PRR20G: variants seen among roughly 807,000 people sequenced by gnomAD.
PRR20G encodes the protein proline rich 20G.
At chr3:127,285,166 G>A (rs936945430) in intron 2 of PRR20G, among the ~76,000 whole-genome samples, 11 of 152,138 alleles carry the variant, frequency 7.2e-5, no homozygotes, top group Non-Finnish European at 1.5e-4. Flanking sequence ...GCCAACCCCT[G>A]GGTCCTTACA....
At chr3:127,285,084 G>A (rs2080380905) in intron 2 of PRR20G, among the ~76,000 whole-genome samples, 2 of 152,144 alleles carry the variant, frequency 1.3e-5, no homozygotes, top group African/African-American at 4.8e-5. Context: ...CCAGAATGCT[G>A]GCGTTGTATT....
chr3:127,285,930 A>T (rs958489931), intron 2 of PRR20G, among the ~76,000 whole-genome samples: 2 of 152,218 alleles, frequency 1.3e-5, no homozygotes, highest in Non-Finnish European at 2.9e-5. Context: ...ATTATAGGGT[A>T]CTTTTGAAAA....
At chr3:127,285,193 A>G (rs529453636) in intron 2 of PRR20G, among the ~76,000 whole-genome samples, 4 of 152,222 alleles carry the variant, frequency 2.6e-5, no homozygotes, top group Non-Finnish European at 5.9e-5. Flanking sequence ...GAGTTACTAC[A>G]AGAAAAATGT....
Position 127,287,960 on chromosome 3 carries a change from C to T in PRR20G, c.-89G>A, listed in dbSNP as rs528457282. 1.3e-5 allele frequency among the ~76,000 whole-genome samples: 2 copies of T among 152,192 alleles called. No homozygotes were observed. The highest frequency in any genetic ancestry group is 6.5e-5 in the Admixed American group (1 of 15,286). The stretch of plus-strand genomic sequence containing the variant: ...GTCCACGGGATCACGGCTATGGCTC[C>T]GACGTCGCCCTCAAATGCGCCCCCT... On this transcript the variant is annotated 5_prime_UTR_variant, in exon 1 of 3. Coordinates refer to ENST00000465482, the MANE Select transcript of PRR20G (RefSeq NM_001362810.2).
At chr3:127,287,821 G>A (rs1464400953) in intron 1 of PRR20G, among the ~76,000 whole-genome samples, 58 bp downstream of exon 1, 1 of 152,076 alleles carries the variant, frequency 6.6e-6, no homozygotes, top group Non-Finnish European at 1.5e-5. Context: ...TGAGGATTCT[G>A]TCCCCACCTG....
At chr3:127,286,041 C>T (rs1286690167) in intron 2 of PRR20G, among the ~76,000 whole-genome samples, 1 of 151,822 alleles carries the variant, frequency 6.6e-6, no homozygotes, top group Non-Finnish European at 1.5e-5. Flanking sequence ...GAAGATCTCC[C>T]AGGAAAGAGA....
rs549076981 is a variant in PRR20G, at chr3:127,283,882, C to T, written c.*178G>A. ...GCGGAGGCAAGAGGGGAATTGGAAG[C>T]AGATGGACTACTGTCAGGATCCTGG... On this transcript the variant is annotated 3_prime_UTR_variant, in exon 3 of 3. Coordinates refer to ENST00000465482, the MANE Select transcript of PRR20G (RefSeq NM_001362810.2). Among the ~76,000 whole-genome samples, 1 of 151,982 alleles carries T rather than the reference C, an allele frequency of 6.6e-6. No homozygotes were observed. Among genetic ancestry groups the T allele is most frequent in the East Asian group, 1.9e-4 (1 of 5,156 alleles).
chr3:127,287,705 G>A (rs2080394136), intron 1 of PRR20G, among the ~76,000 whole-genome samples, 174 bp downstream of exon 1: 1 of 152,308 alleles, frequency 6.6e-6, no homozygotes, highest in African/African-American at 2.4e-5. Flanking sequence ...CCTCCTGGAG[G>A]AATGATCCCT....
In PRR20G at chr3:127,284,093, A is replaced by T. The variant is rs1288091775; in HGVS notation, c.600T>A (p.Ser200Arg). 1 of 152,130 alleles carries T rather than the reference A, an allele frequency of 6.6e-6. No individual in the cohort carries two copies. The highest frequency in any genetic ancestry group is 6.5e-5 in the Admixed American group (1 of 15,282). 9.4% of individuals were successfully genotyped at this position (152,130 alleles called of 1,614,324 possible). A position where few individuals can be genotyped will look rare whatever the true frequency, so the allele number is the denominator to read the frequency against. ...VQTSNSTIVQSVPVFPAHSAH is the reference protein window; with the variant it reads ...VQTSNSTIVQRVPVFPAHSAH ...CAGAGTGGGCAGGGAACACTGGGAC[A>T]CTCTGCACGATGGTGCTATTAGAGG... Residue 200 changes from serine to arginine, a missense_variant, in exon 3 of 3, where the codon AGT becomes AGA. Physicochemically the swap from Ser to Arg is moderately radical, Grantham distance 110. Transcript: ENST00000465482.
chr3:127,287,379 G>A lies in PRR20G; in HGVS notation c.-7-7C>T, dbSNP rs2080392449. 6.6e-6 allele frequency among the ~76,000 whole-genome samples: 1 copy of A among 152,340 alleles called. No homozygotes were observed. Among genetic ancestry groups the A allele is most frequent in the South Asian group, 2.1e-4 (1 of 4,828 alleles). On this transcript the variant is annotated splice_region_variant and splice_polypyrimidine_tract_variant and intron_variant, in intron 1 of 2. Transcript: ENST00000465482. The stretch of plus-strand genomic sequence containing the variant: ...TGGTTCCTCCATGAGGAATCTGCGG[G>A]AGTGGGTGGGGAGGAAAACGCGTCT...
Position 127,284,267 on chromosome 3 carries a change from G to A in PRR20G, c.426C>T (p.Gly142=), listed in dbSNP as rs9821664. ...LMPGIVQEGP[G]PHAAQPEVGL... is the part of the protein sequence containing the mutation. ...CCACCTCAGGCTGGGCTGCATGGGG[G>A]CCGGGGCCTTCCTGCACAATTCCAG... The change falls in exon 3 of 3, where the codon GGC becomes GGT. Residue 142 remains glycine, a synonymous_variant. Coordinates refer to ENST00000465482, the MANE Select transcript of PRR20G (RefSeq NM_001362810.2). 44,159 of 152,132 alleles carry A rather than the reference G, an allele frequency of 0.29. 7,177 individuals carry two copies. Among genetic ancestry groups the A allele is most frequent in the East Asian group, 0.61 (3,129 of 5,128 alleles). The allele number at this position is 152,132 out of a possible 1,614,324, so 9.4% of individuals were successfully genotyped here.
At chr3:127,284,800 G>A (rs1176582552) in intron 2 of PRR20G, 160 bp from the exon 3 acceptor site, 1 of 152,320 alleles carries the variant, frequency 6.6e-6, no homozygotes, top group Non-Finnish European at 1.5e-5. Context: ...GGAGCACTCT[G>A]TCCAAGGGCC....
At chr3:127,285,135 C>T (rs143103067) in intron 2 of PRR20G, among the ~76,000 whole-genome samples, 19 of 152,280 alleles carry the variant, frequency 1.2e-4, no homozygotes, top group African/African-American at 4.3e-4. Flanking sequence ...TGGCCCTTTT[C>T]ATAAATTAGT....
At chr3:127,285,764 A>C (rs930112037) in intron 2 of PRR20G, among the ~76,000 whole-genome samples, 5 of 152,202 alleles carry the variant, frequency 3.3e-5, no homozygotes, top group African/African-American at 1.2e-4. Flanking sequence ...ATCAGATATC[A>C]CCAAACATCA....
chr3:127,286,380 T>C (rs1406717858), intron 2 of PRR20G, among the ~76,000 whole-genome samples: 1 of 152,206 alleles, frequency 6.6e-6, no homozygotes, highest in Non-Finnish European at 1.5e-5. Flanking sequence ...ATGAAGATGT[T>C]TGCAGACAAG....
intron 2 of PRR20G, among the ~76,000 whole-genome samples, chr3:127,286,236 T>C (rs916294363): frequency 2.6e-5 from 4 of 152,294 alleles, no homozygotes; most frequent in Admixed American, 1.3e-4. Context: ...GGATTCAACA[T>C]GTCTCAAAAA....
At chr3:127,287,856 C>T (rs1377833930) in intron 1 of PRR20G, among the ~76,000 whole-genome samples, 23 bp downstream of exon 1, 1 of 152,190 alleles carries the variant, frequency 6.6e-6, no homozygotes, top group Admixed American at 6.5e-5. Flanking sequence ...CTACCCACCC[C>T]TCAGGGACAC....
intron 2 of PRR20G, among the ~76,000 whole-genome samples, chr3:127,286,645 A>T (rs2080389107): frequency 6.6e-6 from 1 of 152,228 alleles, no homozygotes; most frequent in Non-Finnish European, 1.5e-5. Flanking sequence ...AAGACACCAG[A>T]TAAAGGAAAT....
At position 127,288,003 on chromosome 3, in the gene PRR20G, G is replaced by C. The variant is rs1157029402; in HGVS notation, c.-132C>G. ...CGCCCCCTACCAGGCAGGTAGGAGG[G>C]AGCACCCAGCAGTCCTAGTTCGGAG... On this transcript the variant is annotated 5_prime_UTR_variant, in exon 1 of 3. Transcript: ENST00000465482. 6.6e-6 allele frequency among the ~76,000 whole-genome samples: 1 copy of C among 152,130 alleles called. No homozygotes were observed. Among genetic ancestry groups the C allele is most frequent in the African/African-American group, 2.4e-5 (1 of 41,424 alleles).
Sources: allele counts gnomAD v4.1 joint callset (sites outside exome capture counted in the v4.1 genomes callset), GRCh38; gene constraint gnomAD v4.1.1; transcripts MANE v1.5; gene names NCBI Gene and HGNC (gene_info 2026-07-23, HGNC 2026-07-21).